NPTXR: variants seen among roughly 807,000 people sequenced by gnomAD.
NPTXR encodes the protein neuronal pentraxin receptor.
Under a neutral mutation model 32.2 loss-of-function variants are expected in NPTXR, and 12 were observed. The observed-to-expected ratio is 0.37, with a 90% CI of 0.24 to 0.60. NPTXR has a LOEUF of 0.60. NPTXR is among the 20% of genes least tolerant of loss of function. The probability of loss-of-function intolerance (pLI) is 0.66; values close to 1 mark genes in which losing one functional copy is unlikely to be tolerated. For missense variants in NPTXR, 612 were observed against 682.9 expected (o/e 0.90, Z 1.16); for synonymous variants, 323 against 315.8 (o/e 1.02, Z -0.24).
At chr22:38,833,189 C>T (rs1343151179) in intron 1 of NPTXR, among the ~76,000 whole-genome samples, 1 of 152,200 alleles carries the variant, frequency 6.6e-6, no homozygotes, top group African/African-American at 2.4e-5. Context: ...CAGGATCACC[C>T]AGGTAGTGGT....
Position 38,843,768 on chromosome 22 carries a change from T to A in NPTXR, c.91A>T (p.Ser31Cys), listed in dbSNP as rs1443280999. The A allele has an allele frequency of 1.0e-6, 1 of 994,296 alleles. No individual in the cohort carries two copies. The highest frequency in any genetic ancestry group is 6.2e-5 in the Admixed American group (1 of 16,080). The allele number at this position is 994,296 out of a possible 1,614,324, so 61.6% of individuals were successfully genotyped here. ...CCGCCGGGCAGCGCCCGCGCCGGGC[T>A]GGCCGCCAGGGGCACGCTGGCGATG... The change falls in exon 1 of 5, where the codon AGC becomes TGC. Residue 31 changes from serine to cysteine, a missense_variant. By Grantham distance (112) the Ser-to-Cys change is moderately radical. Transcript: ENST00000333039. This position sits in a 1 kb window ranked among gnomAD's most constrained non-coding sequence, Gnocchi z 5.3.
chr22:38,831,594 C>G (rs1328339322), intron 1 of NPTXR, among the ~76,000 whole-genome samples: 2 of 152,170 alleles, frequency 1.3e-5, no homozygotes, highest in African/African-American at 4.8e-5. Flanking sequence ...CACAGGGTGA[C>G]AGGGTCAGCC....
intron 1 of NPTXR, among the ~76,000 whole-genome samples, chr22:38,838,920 G>A (rs975992169): frequency 6.6e-6 from 1 of 152,126 alleles, no homozygotes; most frequent in African/African-American, 2.4e-5. Context: ...GGTGACGTCT[G>A]ACCCCTCCAG....
At chr22:38,841,225 G>A (rs568471870) in intron 1 of NPTXR, among the ~76,000 whole-genome samples, 17 of 152,334 alleles carry the variant, frequency 1.1e-4, no homozygotes, top group Non-Finnish European at 2.1e-4. Context: ...CTGTTGCCAC[G>A]CTCAGAAAGC....
chr22:38,835,227 T>C (rs2093122223), intron 1 of NPTXR, among the ~76,000 whole-genome samples: 1 of 151,726 alleles, frequency 6.6e-6, no homozygotes, highest in Admixed American at 6.6e-5. Flanking sequence ...TGCTCCCAGC[T>C]GGCGGTGAGG....
chr22:38,823,294 G>A, intron 3 of NPTXR, 32 bp from the exon 4 acceptor site: 2 of 1,598,682 alleles, frequency 1.3e-6, no homozygotes, highest in Non-Finnish European at 1.7e-6. Flanking sequence ...CCAGGTCAGA[G>A]GTGCCCCAAG....
intron 1 of NPTXR, among the ~76,000 whole-genome samples, chr22:38,832,445 CGTAA>C (rs1004609617): frequency 5.3e-5 from 8 of 152,276 alleles, no homozygotes; most frequent in African/African-American, 1.7e-4. Flanking sequence ...TGGGGTTTGG[CGTAA>C]GTGTGCTGGG....
In NPTXR at chr22:38,831,271, G is replaced by C. The variant is rs1355372300; in HGVS notation, c.625-2759C>G. On this transcript the variant is annotated intron_variant, in intron 1 of 4. Coordinates refer to ENST00000333039, the MANE Select transcript of NPTXR (RefSeq NM_014293.4). ...GAAATACAAAGATTAGCCAGGCATG[G>C]TGGTGCATGCCTGTGGCCCCAGCCA... 2.0e-5 allele frequency among the ~76,000 whole-genome samples: 3 copies of C among 152,308 alleles called. No homozygotes were observed. The East Asian group carries it at 5.8e-4, about 29-fold the overall frequency.
chr22:38,825,961 G>A (rs1261679099), intron 3 of NPTXR, among the ~76,000 whole-genome samples: 2 of 151,428 alleles, frequency 1.3e-5, no homozygotes, highest in African/African-American at 4.9e-5. Context: ...TCCTGCCTCA[G>A]CCTCCCGAGT....
In NPTXR at chr22:38,843,176, G is replaced by A; in HGVS notation, c.624+59C>T. On this transcript the variant is annotated intron_variant, in intron 1 of 4. Coordinates refer to ENST00000333039, the MANE Select transcript of NPTXR (RefSeq NM_014293.4). This position sits in a 1 kb window ranked among gnomAD's most constrained non-coding sequence, Gnocchi z 5.3. ...GAGGCTCGGGGACCGCCGGACGACC[G>A]CGGCCGGGCGGCCCCTCACACCACC... 6.4e-6 allele frequency: 8 copies of A among 1,256,534 alleles called. No homozygotes were observed. The highest frequency in any genetic ancestry group is 2.8e-5 in the South Asian group (1 of 36,044). The allele number at this position is 1,256,534 out of a possible 1,614,324, so 77.8% of individuals were successfully genotyped here. A position where few individuals can be genotyped will look rare whatever the true frequency, so the allele number is the denominator to read the frequency against.
intron 1 of NPTXR, among the ~76,000 whole-genome samples, chr22:38,831,616 T>G (rs370104375): frequency 7.9e-5 from 12 of 152,018 alleles, no homozygotes; most frequent in East Asian, 7.7e-4. Flanking sequence ...CCCACTGCAT[T>G]CGAGATGGCT....
At position 38,821,369 on chromosome 22, in the gene NPTXR, G is replaced by A. The variant is rs1293199502; in HGVS notation, c.*1240C>T. ...ATGAGGTTAGTCTGCCTTGAACCTTGCCCTGGACTCTGAGTCTCTGCTGAC... is the reference window on the plus strand; with the variant it reads ...ATGAGGTTAGTCTGCCTTGAACCTTACCCTGGACTCTGAGTCTCTGCTGAC... On this transcript the variant is annotated 3_prime_UTR_variant, in exon 5 of 5. Coordinates refer to ENST00000333039, the MANE Select transcript of NPTXR (RefSeq NM_014293.4). 6.6e-6 allele frequency: 1 copy of A among 152,358 alleles called. No homozygotes were observed. Among genetic ancestry groups the A allele is most frequent in the African/African-American group, 2.4e-5 (1 of 41,446 alleles). 9.4% of individuals were successfully genotyped at this position (152,358 alleles called of 1,614,324 possible). A position where few individuals can be genotyped will look rare whatever the true frequency, so the allele number is the denominator to read the frequency against.
chr22:38,835,414 G>T (rs1193093272), intron 1 of NPTXR, among the ~76,000 whole-genome samples: 1 of 152,220 alleles, frequency 6.6e-6, no homozygotes, highest in Non-Finnish European at 1.5e-5. Flanking sequence ...GGTGGGCAAA[G>T]GACAGGTTGG....
chr22:38,838,239 T>A (rs1256916860), intron 1 of NPTXR, among the ~76,000 whole-genome samples: 3 of 152,066 alleles, frequency 2.0e-5, no homozygotes, highest in African/African-American at 7.2e-5. Context: ...AGGGGAAAAC[T>A]GAAGCTGGTG....
In NPTXR at chr22:38,843,346, G is replaced by T. The variant is rs961661442; in HGVS notation, c.513C>A (p.Gly171=). ...CCATGGTGTCGCGGCGGGGCCCGGC[G>T]CCCTGGAGGCCGCGCGGCAGGCCGC... The change falls in exon 1 of 5, where the codon GGC becomes GGA. Residue 171 remains glycine (G), a synonymous_variant. Transcript: ENST00000333039. This position sits in a 1 kb window ranked among gnomAD's most constrained non-coding sequence, Gnocchi z 5.3. 3.5e-6 allele frequency: 5 copies of T among 1,411,152 alleles called. No homozygotes were observed. In the African/African-American group the frequency reaches 4.5e-5, roughly 13 times the overall value. The allele number at this position is 1,411,152 out of a possible 1,614,324, so 87.4% of individuals were successfully genotyped here.
Position 38,822,725 on chromosome 22 carries a change from T to A in NPTXR, c.1387A>T (p.Asn463Tyr), listed in dbSNP as rs760997710. 3 of 1,614,092 alleles carry A rather than the reference T, an allele frequency of 1.9e-6. No individual in the cohort carries two copies. Among genetic ancestry groups the A allele is most frequent in the Admixed American group, 3.3e-5 (2 of 60,012 alleles). ...TTGCCCAGCAGTGGCGCAGTGCAGT[T>A]GGCAATGCCCAGGACCTGGGCTGGT... Residue 463 changes from asparagine to tyrosine, a missense_variant, in exon 5 of 5, where the codon AAC (asparagine) becomes TAC (tyrosine). Physicochemically the swap from Asn to Tyr is moderately radical, Grantham distance 143. Transcript: ENST00000333039.
At chr22:38,830,760 A>C (rs2093114856) in intron 1 of NPTXR, among the ~76,000 whole-genome samples, 1 of 152,144 alleles carries the variant, frequency 6.6e-6, no homozygotes, top group Non-Finnish European at 1.5e-5. Flanking sequence ...GCTGAGGATC[A>C]ACCTCTCCAT....
In NPTXR at chr22:38,822,985, G is replaced by C. The variant is rs1489550260; in HGVS notation, c.1278+98C>G. The C allele has an allele frequency of 2.0e-6, 3 of 1,518,686 alleles. No homozygotes were observed. In the East Asian group the frequency reaches 6.8e-5, roughly 34 times the overall value. The allele number at this position is 1,518,686 out of a possible 1,614,324, so 94.1% of individuals were successfully genotyped here. On this transcript the variant is annotated intron_variant, in intron 4 of 4. Coordinates refer to ENST00000333039, the MANE Select transcript of NPTXR (RefSeq NM_014293.4). ...GCCAACGCTCTAGCCCCACCTTCAA[G>C]ATTCTAGTTCCTTGGGCAGGTCTCT...
At chr22:38,823,396 C>T in intron 3 of NPTXR, 134 bp from the exon 4 acceptor site, 1 of 701,212 alleles carries the variant, frequency 1.4e-6, no homozygotes, top group East Asian at 2.7e-5. Context: ...CCCTCTCCAT[C>T]CTCCTGCCCA....
Sources: allele counts gnomAD v4.1 joint callset (sites outside exome capture counted in the v4.1 genomes callset), GRCh38; gene constraint gnomAD v4.1.1; non-coding constraint Gnocchi (gnomAD v3.1); transcripts MANE v1.5; gene names NCBI Gene and HGNC (gene_info 2026-07-23, HGNC 2026-07-21).